SPEF2: variants seen among roughly 807,000 people sequenced by gnomAD.
SPEF2 encodes sperm flagella and cilia-associated protein 2.
SPEF2 carries 187 observed loss-of-function variants against 224.6 expected under a neutral mutation model. The observed-to-expected ratio is 0.83, with a 90% confidence interval of 0.74 to 0.94. The LOEUF is 0.94. Ranked by LOEUF, SPEF2 falls within the 40% of genes least tolerant of loss-of-function variation. SPEF2 has a pLI of 0.00. For missense variants in SPEF2, 2,170 were observed against 2,135.6 expected, an observed-to-expected ratio of 1.02 and a Z score of -0.32; for synonymous variants, 715 against 707.3, an observed-to-expected ratio of 1.01 and a Z score of -0.17.
chr5:35,706,686 A>G (rs1201701377), intron 18 of SPEF2, among the ~76,000 whole-genome samples: 2 of 152,128 alleles, frequency 1.3e-5, no homozygotes, highest in African/African-American at 2.4e-5. Context: ...CCTAACTCCC[A>G]TAATGTAACA....
At chr5:35,710,534 G>A (rs1740895055) in intron 19 of SPEF2, 4 of 960,218 alleles carry the variant, frequency 4.2e-6, no homozygotes, top group East Asian at 1.1e-4. Context: ...TCTAGCCTGG[G>A]GGATAGAGTG....
At chr5:35,790,687 T>C (rs1388070837) in intron 30 of SPEF2, 2 of 188,542 alleles carry the variant, frequency 1.1e-5, no homozygotes, top group Admixed American at 6.1e-5. Context: ...GTGACCAGAC[T>C]ATGATTACGG....
chr5:35,742,638 C>CT (rs1747839752), intron 23 of SPEF2, among the ~76,000 whole-genome samples: 1 of 151,722 alleles, frequency 6.6e-6, no homozygotes, highest in Admixed American at 6.6e-5. Context: ...ACCATTTTCT[C>CT]CTAAGTTTAA....
chr5:35,747,624 A>C (rs1748755017), intron 23 of SPEF2, among the ~76,000 whole-genome samples: 1 of 152,222 alleles, frequency 6.6e-6, no homozygotes, highest in Admixed American at 6.5e-5. Context: ...CTTGTGCAAC[A>C]GGAAAATATC....
chr5:35,625,431 C>T (rs933964881), intron 1 of SPEF2, among the ~76,000 whole-genome samples: 1 of 152,118 alleles, frequency 6.6e-6, no homozygotes, highest in Non-Finnish European at 1.5e-5. Context: ...TTTAGTATTC[C>T]CCAGTTATTC....
intron 24 of SPEF2, among the ~76,000 whole-genome samples, chr5:35,755,753 G>A (rs1303245282): frequency 2.0e-5 from 3 of 152,056 alleles, no homozygotes; most frequent in Non-Finnish European, 4.4e-5. Flanking sequence ...GGGATTACAG[G>A]CGCCCACCAC....
intron 19 of SPEF2, among the ~76,000 whole-genome samples, chr5:35,712,496 A>G (rs187862164): frequency 1.3e-5 from 2 of 152,224 alleles, no homozygotes; most frequent in East Asian, 3.8e-4. Context: ...ATTTGTGATT[A>G]ACTTTTAAAA....
chr5:35,691,959 C>A (rs1754554338), intron 11 of SPEF2, among the ~76,000 whole-genome samples: 1 of 151,864 alleles, frequency 6.6e-6, no homozygotes, highest in African/African-American at 2.4e-5. Context: ...ACCACTACAC[C>A]CAGCTAATTT....
chr5:35,763,418 T>G (rs1751620139), intron 25 of SPEF2, 104 bp from the exon 26 acceptor site: 2 of 1,048,508 alleles, frequency 1.9e-6, no homozygotes, highest in Non-Finnish European at 2.6e-6. Context: ...CTTTGAAAAT[T>G]GAGATTAAAC....
rs995245618 is a variant in SPEF2 at position 35,651,792 on chromosome 5, G to A, written c.791+2367G>A. On this transcript the variant is annotated intron_variant, in intron 6 of 36. Transcript: ENST00000356031. ...TAGCCTGCTCCTGAACAGTTTCTCT[G>A]GATGCCACCTCAAAGTCCATCGTTT... 2.6e-5 allele frequency among the ~76,000 whole-genome samples: 4 copies of A among 152,208 alleles called. No homozygotes were observed. In the East Asian group the frequency reaches 7.7e-4, roughly 29 times the overall value.
chr5:35,650,258 G>T (rs1042159590), intron 6 of SPEF2, among the ~76,000 whole-genome samples: 2 of 152,126 alleles, frequency 1.3e-5, no homozygotes, highest in African/African-American at 4.8e-5. Context: ...AGAAAATTAA[G>T]CAAAATGGAG....
chr5:35,787,936 T>C (rs1290976929), intron 30 of SPEF2: 1 of 625,370 alleles, frequency 1.6e-6, no homozygotes, highest in African/African-American at 1.8e-5. Context: ...TTGACCATTA[T>C]CTTCCAAAAA....
intron 34 of SPEF2, among the ~76,000 whole-genome samples, chr5:35,803,268 G>A (rs1351228824): frequency 6.6e-6 from 1 of 152,196 alleles, no homozygotes; most frequent in Non-Finnish European, 1.5e-5. Flanking sequence ...CTGTGCTAGA[G>A]CTGTTGCCAT....
chr5:35,619,853 G>T (rs1477398640), intron 1 of SPEF2, among the ~76,000 whole-genome samples: 4 of 152,182 alleles, frequency 2.6e-5, no homozygotes, highest in African/African-American at 9.6e-5. Context: ...TGGGAATTTA[G>T]GTTTTGAGAG....
chr5:35,691,126 G>T lies in SPEF2; in HGVS notation c.1614G>T (p.Arg538Ser). Residue 538 changes from arginine (R) to serine (S), a missense_variant, in exon 11 of 37, where the codon AGG becomes AGT. Transcript: ENST00000356031. Reference protein sequence around the residue: ...NNCILGHILHRLAEKSLPPRA... With the variant: ...NNCILGHILHSLAEKSLPPRA... ...GCATACTGGGCCATATTCTTCACAG[G>T]CTAGCTGAAAAATCTCTTCCTCCTC... 1 of 1,614,030 alleles carries T rather than the reference G, an allele frequency of 6.2e-7. No individual in the cohort carries two copies. Among genetic ancestry groups the T allele is most frequent in the Non-Finnish European group, 8.5e-7 (1 of 1,179,988 alleles).
intron 1 of SPEF2, among the ~76,000 whole-genome samples, chr5:35,624,223 G>A (rs1021589597): frequency 1.3e-5 from 2 of 152,234 alleles, no homozygotes; most frequent in African/African-American, 4.8e-5. Context: ...TAGTGATGGG[G>A]ACCAGGCATG....
intron 6 of SPEF2, among the ~76,000 whole-genome samples, chr5:35,652,505 C>A (rs1748346958): frequency 6.6e-6 from 1 of 152,136 alleles, no homozygotes; most frequent in African/African-American, 2.4e-5. Context: ...ATAATTTGTG[C>A]TCAACTCTTC....
chr5:35,774,372 G>C (rs1482239093), intron 28 of SPEF2, among the ~76,000 whole-genome samples: 1 of 152,130 alleles, frequency 6.6e-6, no homozygotes, highest in Non-Finnish European at 1.5e-5. Flanking sequence ...GATTTTACAG[G>C]TTTAGATAGG....
intron 6 of SPEF2, among the ~76,000 whole-genome samples, chr5:35,649,856 T>G (rs1458571515): frequency 6.6e-6 from 1 of 152,238 alleles, no homozygotes; most frequent in Non-Finnish European, 1.5e-5. Context: ...ATTAAACAAA[T>G]GTCACTAAGA....
Sources: allele counts gnomAD v4.1 joint callset (sites outside exome capture counted in the v4.1 genomes callset), GRCh38; gene constraint gnomAD v4.1.1; transcripts MANE v1.5; gene names NCBI Gene and HGNC (gene_info 2026-07-23, HGNC 2026-07-21).